The following OR10K2 variants were observed in gnomAD, a reference collection of about 807,000 sequenced individuals.
The protein encoded by OR10K2 is olfactory receptor family 10 subfamily K member 2.
For missense variants in OR10K2, 401 were observed against 367.1 expected, an observed-to-expected ratio of 1.09 and a Z score of -0.76; for synonymous variants, 169 against 146.4, an observed-to-expected ratio of 1.15 and a Z score of -1.11.
rs773209382 is a variant in OR10K2 at position 158,420,838 on chromosome 1, C to T, written c.29G>A (p.Arg10Lys). The change falls in exon 2 of 2, where the codon AGA (arginine) becomes AAA (lysine). Residue 10 changes from arginine (R) to lysine (K), a missense_variant. Coordinates refer to ENST00000641042, the MANE Select transcript of OR10K2 (RefSeq NM_001004476.2). ...TGAGAAGCCGAGGAAGATGACCTCTCTCACCACAGTCTCATTGACCCGCTC... is the reference window on the plus strand; with the variant it reads ...TGAGAAGCCGAGGAAGATGACCTCTTTCACCACAGTCTCATTGACCCGCTC... MERVNETVV[R>K]EVIFLGFSSL... The T allele has an allele frequency of 2.6e-5, 42 of 1,613,526 alleles. No homozygotes were observed. The highest frequency in any genetic ancestry group is 3.6e-5 in the Non-Finnish European group (42 of 1,179,760).
intron 1 of OR10K2, among the ~76,000 whole-genome samples, chr1:158,422,901 A>G (rs761775311): frequency 4.6e-5 from 7 of 151,962 alleles, no homozygotes; most frequent in Non-Finnish European, 8.8e-5. Flanking sequence ...TTATAGGAGC[A>G]CTCAGGAGAC....
chr1:158,421,030 G>A (rs1655145659), intron 1 of OR10K2, 103 bp from the exon 2 acceptor site: 1 of 687,940 alleles, frequency 1.5e-6, no homozygotes, highest in Non-Finnish European at 2.4e-6. Flanking sequence ...TCCAAGACAT[G>A]ATGTTGCTAA....
intron 1 of OR10K2, among the ~76,000 whole-genome samples, chr1:158,424,155 T>TAA (rs1469658341): frequency 5.9e-5 from 9 of 152,082 alleles, no homozygotes; most frequent in Non-Finnish European, 1.3e-4. Flanking sequence ...TGGCTGAGTC[T>TAA]AAATGCCATT....
rs1655110360 is a variant in OR10K2, at chr1:158,419,985, A to G, written c.882T>C (p.Asn294=). Residue 294 remains asparagine, a synonymous_variant, in exon 2 of 2, where the codon AAT becomes AAC. Transcript: ENST00000641042. ...TACAAAGAGCTGATTTGAACTCTTTATTTCTCAAGCTATAAATCATTGGGT... is the reference window on the plus strand; with the variant it reads ...TACAAAGAGCTGATTTGAACTCTTTGTTTCTCAAGCTATAAATCATTGGGT... ...LFNPMIYSLR[N]KEFKSALCKI... 1 of 1,612,890 alleles carries G rather than the reference A, an allele frequency of 6.2e-7. No homozygotes were observed. The highest frequency in any genetic ancestry group is 8.5e-7 in the Non-Finnish European group (1 of 1,179,214).
rs751026971 is a variant in OR10K2 at position 158,420,451 on chromosome 1, C to T, written c.416G>A (p.Gly139Glu). 1 of 1,613,928 alleles carries T rather than the reference C, an allele frequency of 6.2e-7. No homozygotes were observed. The highest frequency in any genetic ancestry group is 1.1e-5 in the South Asian group (1 of 91,078). The change falls in exon 2 of 2, where the codon GGG becomes GAG. Residue 139 changes from glycine to glutamate, a missense_variant. Transcript: ENST00000641042. ...AGCAGCCACTAGTCCCATACACACC[C>T]CATGTCCCATTAGCACTGAGTAGCG... ...PLRYSVLMGH[G>E]VCMGLVAAAC...
intron 1 of OR10K2, among the ~76,000 whole-genome samples, chr1:158,421,777 T>C (rs1655161968): frequency 6.6e-6 from 1 of 152,174 alleles, no homozygotes; most frequent in Non-Finnish European, 1.5e-5. Context: ...CTTATGGCTA[T>C]AGTATAGAGT....
At position 158,420,149 on chromosome 1, in the gene OR10K2, T is replaced by C. The variant is rs1322108888; in HGVS notation, c.718A>G (p.Thr240Ala). ...ACAATAATGAGGTGAGATACACAGGTAGAAAAAGCTTTGCACCTACCCAGT... is the reference window on the plus strand; with the variant it reads ...ACAATAATGAGGTGAGATACACAGGCAGAAAAAGCTTTGCACCTACCCAGT... ...STLGRCKAFS[T>A]CVSHLIIVTV... Residue 240 changes from threonine to alanine, a missense_variant, in exon 2 of 2, where the codon ACC becomes GCC. Transcript: ENST00000641042. 18 of 1,613,044 alleles carry C rather than the reference T, an allele frequency of 1.1e-5. No homozygotes were observed. In the African/African-American group the frequency reaches 2.0e-4, roughly 18 times the overall value.
In OR10K2 at chr1:158,420,640, A is replaced by T; in HGVS notation, c.227T>A (p.Ile76Asn). The change falls in exon 2 of 2, where the codon ATC becomes AAC. Residue 76 changes from isoleucine (I) to asparagine (N), a missense_variant. Transcript: ENST00000641042. ...LSCSEICYTF[I>N]IVPKMLVDLL... ...GTCAACCAGCATCTTGGGTACAATGATGAAGGTGTAGCAAATCTCAGAGCA... is the reference window on the plus strand; with the variant it reads ...GTCAACCAGCATCTTGGGTACAATGTTGAAGGTGTAGCAAATCTCAGAGCA... The T allele has an allele frequency of 6.2e-7, 1 of 1,613,916 alleles. No homozygotes were observed. The highest frequency in any genetic ancestry group is 8.5e-7 in the Non-Finnish European group (1 of 1,179,898).
Position 158,418,908 on chromosome 1 carries a change from G to A in OR10K2, c.*1020C>T, listed in dbSNP as rs1315559106. 6.6e-6 allele frequency: 1 copy of A among 152,082 alleles called. No individual in the cohort carries two copies. The highest frequency in any genetic ancestry group is 1.5e-5 in the Non-Finnish European group (1 of 68,002). The allele number at this position is 152,082 out of a possible 1,614,324, so 9.4% of individuals were successfully genotyped here. ...TTCCATATGCAAAGCTTTCCACTTG[G>A]TGAATATTTAGTGAAATTGACTTAA... On this transcript the variant is annotated 3_prime_UTR_variant, in exon 2 of 2. Coordinates refer to ENST00000641042, the MANE Select transcript of OR10K2 (RefSeq NM_001004476.2).
chr1:158,425,133 A>C (rs1217792880), intron 1 of OR10K2, among the ~76,000 whole-genome samples: 1 of 152,064 alleles, frequency 6.6e-6, no homozygotes, highest in East Asian at 1.9e-4. Context: ...GGGATTTAAT[A>C]AAATAAAGAT....
chr1:158,422,863 G>T (rs1655185429), intron 1 of OR10K2, among the ~76,000 whole-genome samples: 2 of 151,944 alleles, frequency 1.3e-5, no homozygotes, highest in African/African-American at 4.8e-5. Flanking sequence ...AAAATGTGGT[G>T]ATTGAGATGA....
rs139262696 is a variant in OR10K2 at position 158,420,642 on chromosome 1, G to T, written c.225C>A (p.Phe75Leu). Residue 75 changes from phenylalanine to leucine, a missense_variant, in exon 2 of 2, where the codon TTC becomes TTA. Transcript: ENST00000641042. ...ILSCSEICYT[F>L]IIVPKMLVDL... ...CAACCAGCATCTTGGGTACAATGAT[G>T]AAGGTGTAGCAAATCTCAGAGCAAG... is the stretch of plus-strand genomic sequence containing the variant. The T allele has an allele frequency of 1.9e-6, 3 of 1,613,826 alleles. No individual in the cohort carries two copies. The African/African-American group carries it at 4.0e-5, about 22-fold the overall frequency.
rs776450068 is a variant in OR10K2, at chr1:158,420,295, T to C, written c.572A>G (p.His191Arg). ...GATGACAATCTGACTAAAGTGGTTA[T>C]GGTGAGATGCCAGCTTGAGGACAGG... ...IAPVLKLASH[H>R]NHFSQIVIFM... The change falls in exon 2 of 2, where the codon CAT becomes CGT. Residue 191 changes from histidine (H) to arginine (R), a missense_variant. Transcript: ENST00000641042. 5.0e-6 allele frequency: 8 copies of C among 1,613,838 alleles called. No individual in the cohort carries two copies. The East Asian group carries it at 8.9e-5, about 18-fold the overall frequency.
Position 158,419,913 on chromosome 1 carries a change from G to A in OR10K2, c.*15C>T. On this transcript the variant is annotated 3_prime_UTR_variant, in exon 2 of 2. Transcript: ENST00000641042. Reference sequence around the variant, plus strand: ...AGTCGTGAGAAACTGCACCTGGCCAGAATCAAGATTAATTTTACAACAGGG... The same window carrying A: ...AGTCGTGAGAAACTGCACCTGGCCAAAATCAAGATTAATTTTACAACAGGG... The A allele has an allele frequency of 6.3e-7, 1 of 1,597,460 alleles. No homozygotes were observed. Among genetic ancestry groups the A allele is most frequent in the Non-Finnish European group, 8.5e-7 (1 of 1,170,590 alleles).
chr1:158,421,887 A>T lies in OR10K2; in HGVS notation c.-61-960T>A, dbSNP rs370094500. On this transcript the variant is annotated intron_variant, in intron 1 of 1. Coordinates refer to ENST00000641042, the MANE Select transcript of OR10K2 (RefSeq NM_001004476.2). Reference sequence around the variant, plus strand: ...TAATGGGATGTATCACTATTGCCCAAATATGTTCTGGACTTCCTTGCCTCT... The same window carrying T: ...TAATGGGATGTATCACTATTGCCCATATATGTTCTGGACTTCCTTGCCTCT... Among the ~76,000 whole-genome samples, 97 of 152,202 alleles carry T rather than the reference A, an allele frequency of 6.4e-4. No individual in the cohort carries two copies. In the South Asian group the frequency reaches 0.019, roughly 30 times the overall value.
intron 1 of OR10K2, among the ~76,000 whole-genome samples, chr1:158,422,635 TTAAC>T (rs1260676955): frequency 1.3e-5 from 2 of 152,056 alleles, no homozygotes; most frequent in Non-Finnish European, 2.9e-5. Flanking sequence ...TAAAATCACC[TTAAC>T]TAATATTAAT....
rs1226481825 is a variant in OR10K2, at chr1:158,420,237, G to A, written c.630C>T (p.Pro210=). The A allele has an allele frequency of 6.2e-6, 10 of 1,613,648 alleles. No homozygotes were observed. The highest frequency in any genetic ancestry group is 1.1e-5 in the South Asian group (1 of 91,082). ...CATAGGACACCAAGATCAACAATAA[G>A]GGGATAGCCAGGACCAATGTACAGA... ...FMLCTLVLAI[P]LLLILVSYVH... Residue 210 remains proline (P), a synonymous_variant, in exon 2 of 2, where the codon CCC becomes CCT. Transcript: ENST00000641042.
chr1:158,422,687 GAACCACCA>G (rs899750439), intron 1 of OR10K2, among the ~76,000 whole-genome samples: 1 of 151,888 alleles, frequency 6.6e-6, no homozygotes, highest in Non-Finnish European at 1.5e-5. Flanking sequence ...TGTTACCTAA[GAACCACCA>G]AATCAAGAAT....
In OR10K2 at chr1:158,422,631, C is replaced by T. The variant is rs527238545; in HGVS notation, c.-61-1704G>A. Among the ~76,000 whole-genome samples the T allele has an allele frequency of 7.9e-5, 12 of 152,098 alleles. No individual in the cohort carries two copies. The South Asian group carries it at 2.3e-3, about 29-fold the overall frequency. The stretch of plus-strand genomic sequence containing the variant: ...CCCATTAAAAGTATATTATTAAAAT[C>T]ACCTTAACTAATATTAATAACAAAA... On this transcript the variant is annotated intron_variant, in intron 1 of 1. Coordinates refer to ENST00000641042, the MANE Select transcript of OR10K2 (RefSeq NM_001004476.2).
Sources: gnomAD v4.1 joint callset for allele counts (sites outside exome capture counted in the v4.1 genomes callset) on GRCh38, gnomAD v4.1.1 for gene constraint, MANE v1.5 for transcripts, NCBI Gene and HGNC (gene_info 2026-07-23, HGNC 2026-07-21) for gene names.